AHCTF1: variants seen among roughly 807,000 people sequenced by gnomAD.
The protein encoded by AHCTF1 is protein ELYS.
Under a neutral mutation model 248.4 loss-of-function variants are expected in AHCTF1, and 24 were observed. That is an observed-to-expected ratio of 0.10 (90% CI 0.07 to 0.14). The LOEUF (loss-of-function observed/expected upper bound fraction) is 0.14, where lower values mean the gene tolerates loss of function less well. Ranked by LOEUF, AHCTF1 falls within the 10% of genes least tolerant of loss-of-function variation. The pLI is 1.00. For synonymous variants in AHCTF1, 786 were observed against 929.8 expected (o/e 0.85, Z 2.81); for missense variants, 2,206 against 2,636.2 (o/e 0.84, Z 3.57).
chr1:246,873,398 G>A (rs963275773), intron 24 of AHCTF1, among the ~76,000 whole-genome samples: 3 of 152,080 alleles, frequency 2.0e-5, no homozygotes, highest in South Asian at 2.1e-4. Context: ...GAAAGAATCC[G>A]TCCCAATACT....
chr1:246,841,550 T>C (rs749574538), intron 35 of AHCTF1, among the ~76,000 whole-genome samples: 1 of 152,238 alleles, frequency 6.6e-6, no homozygotes, highest in Non-Finnish European at 1.5e-5. Flanking sequence ...ATAAACAAGA[T>C]ACTGTGTAAC....
chr1:246,853,215 T>C lies in AHCTF1; in HGVS notation c.4439A>G (p.Gln1480Arg), dbSNP rs1660845259. The C allele has an allele frequency of 6.2e-7, 1 of 1,613,804 alleles. No homozygotes were observed. The highest frequency in any genetic ancestry group is 2.2e-5 in the East Asian group (1 of 44,870). The stretch of plus-strand genomic sequence containing the variant: ...TTCTTTTAAGTTCAGCGCTACTTCC[T>C]GGTTAAGCCTGCGCTCAGAGACAAT... The part of the protein sequence containing the change: ...GPIVSERRLN[Q>R]EVALNLKEDH... Residue 1480 changes from glutamine to arginine, a missense_variant, in exon 32 of 36, where the codon CAG (glutamine) becomes CGG (arginine). By Grantham distance (43) the Gln-to-Arg change is conservative (BLOSUM62 1). Coordinates refer to ENST00000648844, the MANE Select transcript of AHCTF1 (RefSeq NM_001323342.2).
intron 17 of AHCTF1, among the ~76,000 whole-genome samples, chr1:246,889,268 T>C (rs1181029076): frequency 1.4e-5 from 2 of 145,498 alleles, no homozygotes; most frequent in Non-Finnish European, 3.1e-5. Context: ...TCCTTTTCTT[T>C]TCTCTTCTTT....
rs773195156 is a variant in AHCTF1, at chr1:246,850,103, G to C, written c.5903C>G (p.Ser1968Cys). 1.9e-6 allele frequency: 3 copies of C among 1,613,928 alleles called. No individual in the cohort carries two copies. Among genetic ancestry groups the C allele is most frequent in the Non-Finnish European group, 1.7e-6 (2 of 1,179,864 alleles). The change falls in exon 33 of 36, where the codon TCT (serine) becomes TGT (cysteine). Residue 1968 changes from serine (S) to cysteine (C), a missense_variant. Around this residue, in one of 6 missense-constraint regions of AHCTF1, gnomAD observed 469 missense variants for 470.0 expected, o/e 1.00. Coordinates refer to ENST00000648844, the MANE Select transcript of AHCTF1 (RefSeq NM_001323342.2). ...TCTACCACGTTTTCTAGGTATGGCA[G>C]ACATATCAAATTCTGCTTGAACAGT... ...QLTVQAEFDM[S>C]AIPRKRGRPR... is the part of the protein sequence containing the mutation.
intron 32 of AHCTF1, among the ~76,000 whole-genome samples, chr1:246,852,691 A>ATT (rs1286272708): frequency 6.6e-6 from 1 of 152,184 alleles, no homozygotes; most frequent in Non-Finnish European, 1.5e-5. Context: ...ATCAGCAAAA[A>ATT]TTAACTTGAT....
intron 3 of AHCTF1, among the ~76,000 whole-genome samples, chr1:246,914,233 T>C (rs1184308476): frequency 6.6e-6 from 1 of 152,230 alleles, no homozygotes; most frequent in African/African-American, 2.4e-5. Flanking sequence ...AAATGTTTGG[T>C]GATTTCTACG....
intron 13 of AHCTF1, 65 bp downstream of exon 13, chr1:246,895,770 T>C: frequency 7.6e-7 from 1 of 1,323,660 alleles, no homozygotes; most frequent in Non-Finnish European, 1.1e-6. Flanking sequence ...AAGAAAAAAA[T>C]ATAACAAATA....
rs1386361984 is a variant in AHCTF1 at position 246,850,335 on chromosome 1, G to T, written c.5671C>A (p.Leu1891Ile). 4 of 1,613,542 alleles carry T rather than the reference G, an allele frequency of 2.5e-6. No homozygotes were observed. Among genetic ancestry groups the T allele is most frequent in the Non-Finnish European group, 3.4e-6 (4 of 1,179,804 alleles). ...GGACTTGTTACCGTACTAACTTTTA[G>T]ATCATTTATAATTTCAACACTTTCC... ...NQESVEIIND[L>I]KVSTVTSPSR... The change falls in exon 33 of 36, where the codon CTA (leucine) becomes ATA (isoleucine). Residue 1891 changes from leucine (L) to isoleucine (I), a missense_variant. Transcript: ENST00000648844.
chr1:246,849,218 A>C (rs1660513323), intron 33 of AHCTF1, among the ~76,000 whole-genome samples: 1 of 152,194 alleles, frequency 6.6e-6, no homozygotes, highest in Admixed American at 6.5e-5. Context: ...GTAAAAAGCT[A>C]CTGGTGTTTC....
chr1:246,926,949 C>T lies in AHCTF1; in HGVS notation c.-8+4629G>A, dbSNP rs185020099. On this transcript the variant is annotated intron_variant, in intron 1 of 35. Transcript: ENST00000648844. ...CAGCACTTTGGGAGGCTAAGGCGGG[C>T]GGATCACGAGGTCAGGAGATCGAGA... 6.1e-3 allele frequency among the ~76,000 whole-genome samples: 924 copies of T among 151,378 alleles called. 1 individual carries two copies. Among genetic ancestry groups the T allele is most frequent in the Non-Finnish European group, 9.3e-3 (632 of 67,830 alleles).
intron 31 of AHCTF1, among the ~76,000 whole-genome samples, chr1:246,854,592 G>A (rs1228512260): frequency 1.3e-5 from 2 of 152,136 alleles, no homozygotes; most frequent in Non-Finnish European, 2.9e-5. Context: ...AAAGAAAGTT[G>A]CTTTTTTGAT....
At chr1:246,865,487 ATTTCT>A (rs1168056423) in intron 26 of AHCTF1, among the ~76,000 whole-genome samples, 1 of 152,026 alleles carries the variant, frequency 6.6e-6, no homozygotes, top group African/African-American at 2.4e-5. Context: ...GCTGCTAGAC[ATTTCT>A]TTTCTTCTAG....
intron 33 of AHCTF1, among the ~76,000 whole-genome samples, chr1:246,844,211 T>G (rs902754451): frequency 3.3e-5 from 5 of 152,146 alleles, no homozygotes; most frequent in African/African-American, 4.8e-5. Context: ...AACTGTTTAG[T>G]CTATTTCTTT....
At position 246,876,182 on chromosome 1, in the gene AHCTF1, A is replaced by T; in HGVS notation, c.2943T>A (p.Asp981Glu). The T allele has an allele frequency of 1.3e-6, 2 of 1,593,402 alleles. No homozygotes were observed. The change falls in exon 24 of 36, where the codon GAT becomes GAA. Residue 981 changes from aspartate to glutamate, a missense_variant. By Grantham distance (45) the Asp-to-Glu change is conservative (BLOSUM62 2). Around this residue, in one of 6 missense-constraint regions of AHCTF1, gnomAD observed 955 missense variants for 1,055.6 expected, o/e 0.90. Coordinates refer to ENST00000648844, the MANE Select transcript of AHCTF1 (RefSeq NM_001323342.2). ...ATCTCTCCCGCAAACGAGGATCACG[A>T]TCATTCTATTAAACATCAAAATTGG... ...NQTLKINVMNDRDPRLRERSL... is the reference protein window; with the variant it reads ...NQTLKINVMNERDPRLRERSL...
intron 1 of AHCTF1, among the ~76,000 whole-genome samples, chr1:246,930,730 T>A (rs1667288438): frequency 6.6e-6 from 1 of 152,132 alleles, no homozygotes; most frequent in African/African-American, 2.4e-5. Flanking sequence ...GTTCTTAAAA[T>A]CTACAGGTTC....
chr1:246,911,744 A>G (rs947771807), intron 4 of AHCTF1, among the ~76,000 whole-genome samples: 1 of 152,154 alleles, frequency 6.6e-6, no homozygotes, highest in Non-Finnish European at 1.5e-5. Context: ...TTGGCCTCCC[A>G]AAGTGCTGGG....
intron 1 of AHCTF1, among the ~76,000 whole-genome samples, chr1:246,930,630 C>G (rs887062517): frequency 1.3e-5 from 2 of 151,186 alleles, no homozygotes; most frequent in African/African-American, 4.9e-5. Context: ...TCAGGCTGGT[C>G]TCAAACTCCT....
At chr1:246,883,104 C>A (rs1663569916) in intron 21 of AHCTF1, among the ~76,000 whole-genome samples, 1 of 152,152 alleles carries the variant, frequency 6.6e-6, no homozygotes, top group African/African-American at 2.4e-5. Context: ...CAAAACAGGG[C>A]AAAACCTCCT....
At chr1:246,894,442 C>T (rs569893721) in intron 14 of AHCTF1, among the ~76,000 whole-genome samples, 2 of 152,056 alleles carry the variant, frequency 1.3e-5, no homozygotes, top group African/African-American at 4.8e-5. Flanking sequence ...AGCGTAGTGG[C>T]GGGCAGGAGA....
Sources: allele counts gnomAD v4.1 joint callset (sites outside exome capture counted in the v4.1 genomes callset), GRCh38; gene constraint gnomAD v4.1.1; regional missense constraint gnomAD v4.1.1; transcripts MANE v1.5; gene names NCBI Gene and HGNC (gene_info 2026-07-23, HGNC 2026-07-21).